XPNPEP3: variants seen among roughly 807,000 people sequenced by gnomAD.
XPNPEP3 encodes X-prolyl aminopeptidase 3.
In XPNPEP3, 41 loss-of-function variants were observed where a neutral mutation model predicts 60.0. That is an observed-to-expected ratio of 0.68 (90% CI 0.53 to 0.89). The LOEUF is 0.89. XPNPEP3 is among the 40% of genes least tolerant of loss of function. The pLI is 0.00. For synonymous variants in XPNPEP3, 212 were observed against 223.2 expected, an observed-to-expected ratio of 0.95 and a Z score of 0.45; for missense variants, 598 against 638.9, an observed-to-expected ratio of 0.94 and a Z score of 0.69.
chr22:40,886,066 G>A (rs780614014), intron 3 of XPNPEP3, among the ~76,000 whole-genome samples: 4 of 152,114 alleles, frequency 2.6e-5, no homozygotes, highest in Non-Finnish European at 4.4e-5. Flanking sequence ...GAACACTGAA[G>A]TTTAGGGGCA....
chr22:40,930,125 G>GTTTTTTTTTTTTTTTTTT lies in XPNPEP3; in HGVS notation c.*3697_*3698insTTTTTTTTTTTTTTTTTT, dbSNP rs200737218. 1 of 145,738 alleles carries GTTTTTTTTTTTTTTTTTT rather than the reference G, an allele frequency of 6.9e-6. No individual in the cohort carries two copies. 9.0% of individuals were successfully genotyped at this position (145,738 alleles called of 1,614,324 possible). Reference sequence around the variant, plus strand: ...TTTTTTTTTAAAGGTTTTTTGTGGGGTTTTTTTGTTTTTTTTTTTTTTGAG... The same window carrying GTTTTTTTTTTTTTTTTTT: ...TTTTTTTTTAAAGGTTTTTTGTGGGGTTTTTTTTTTTTTTTTTTTTTTTTTGTTTTTTTTTTTTTTGAG... On this transcript the variant is annotated 3_prime_UTR_variant, in exon 10 of 10. Coordinates refer to ENST00000357137, the MANE Select transcript of XPNPEP3 (RefSeq NM_022098.4).
In XPNPEP3 at chr22:40,931,398, T is replaced by A. The variant is rs1014028769; in HGVS notation, c.*4963T>A. On this transcript the variant is annotated 3_prime_UTR_variant, in exon 10 of 10. Coordinates refer to ENST00000357137, the MANE Select transcript of XPNPEP3 (RefSeq NM_022098.4). ...TAATTAGGAAACAGACTGTGTTCTTTATTTGAAACACAACAGTATAAATAC... is the reference window on the plus strand; with the variant it reads ...TAATTAGGAAACAGACTGTGTTCTTAATTTGAAACACAACAGTATAAATAC... 4.6e-5 allele frequency: 7 copies of A among 152,166 alleles called. No individual in the cohort carries two copies. The highest frequency in any genetic ancestry group is 1.7e-4 in the African/African-American group (7 of 41,442). The allele number at this position is 152,166 out of a possible 1,614,324, so 9.4% of individuals were successfully genotyped here.
At chr22:40,914,189 A>G (rs2058186878) in intron 6 of XPNPEP3, 50 bp from the exon 7 acceptor site, 1 of 1,511,610 alleles carries the variant, frequency 6.6e-7, no homozygotes, top group Non-Finnish European at 9.2e-7. Context: ...TACTAGAAAC[A>G]ACTTATAATC....
chr22:40,905,444 C>T (rs1433277038), intron 4 of XPNPEP3, among the ~76,000 whole-genome samples: 1 of 152,182 alleles, frequency 6.6e-6, no homozygotes, highest in Admixed American at 6.5e-5. Flanking sequence ...GTGTGCCAGG[C>T]ACTGCTCTGG....
chr22:40,926,183 A>G, intron 9 of XPNPEP3, 86 bp from the exon 10 acceptor site: 1 of 1,443,804 alleles, frequency 6.9e-7, no homozygotes, highest in Non-Finnish European at 9.7e-7. Flanking sequence ...AGAGGAAGGA[A>G]TTTTAACCCA....
chr22:40,907,930 G>A (rs1265983419), intron 5 of XPNPEP3, among the ~76,000 whole-genome samples: 4 of 152,108 alleles, frequency 2.6e-5, no homozygotes, highest in Non-Finnish European at 4.4e-5. Flanking sequence ...AGAAGAGGCT[G>A]AGGGCTGGGC....
chr22:40,867,605 T>TA (rs1362203769), intron 1 of XPNPEP3, among the ~76,000 whole-genome samples: 7 of 151,532 alleles, frequency 4.6e-5, no homozygotes, highest in East Asian at 1.9e-4. Context: ...CTACCAAAAA[T>TA]AAAAAAAATT....
At chr22:40,885,744 G>A (rs2058066008) in intron 3 of XPNPEP3, among the ~76,000 whole-genome samples, 1 of 152,122 alleles carries the variant, frequency 6.6e-6, no homozygotes, top group Admixed American at 6.5e-5. Flanking sequence ...CAGCACTTTG[G>A]GAGACTGAGG....
At chr22:40,858,640 T>C (rs2057920966) in intron 1 of XPNPEP3, among the ~76,000 whole-genome samples, 1 of 146,488 alleles carries the variant, frequency 6.8e-6, no homozygotes, top group Non-Finnish European at 1.5e-5. Flanking sequence ...CAAGCGATTC[T>C]CCTGTCTCAG....
chr22:40,890,656 C>T (rs2058085044), intron 4 of XPNPEP3, among the ~76,000 whole-genome samples: 1 of 151,702 alleles, frequency 6.6e-6, no homozygotes, highest in Non-Finnish European at 1.5e-5. Flanking sequence ...CACTTGAGCC[C>T]AGGAGTTCAA....
At chr22:40,880,827 C>T (rs1461437012) in intron 2 of XPNPEP3, among the ~76,000 whole-genome samples, 1 of 150,898 alleles carries the variant, frequency 6.6e-6, no homozygotes, top group African/African-American at 2.4e-5. Context: ...TCAGCAAAGG[C>T]CCTATATTGT....
At chr22:40,861,563 A>T in intron 1 of XPNPEP3, 1 of 1,613,460 alleles carries the variant, frequency 6.2e-7, no homozygotes, top group East Asian at 2.2e-5. Context: ...CAAAAATTGG[A>T]TATTCACTGG....
chr22:40,873,098 C>CTTTTTTTTTTTTTTTTTTTTTTTTTG (rs2058013530), intron 2 of XPNPEP3, among the ~76,000 whole-genome samples: 1 of 88,504 alleles, frequency 1.1e-5, no homozygotes, highest in African/African-American at 4.4e-5. Flanking sequence ...TTTTCTTTTT[C>CTTTTTTTTTTTTTTTTTTTTTTTTTG]TTTTTTTTTT....
intron 7 of XPNPEP3, among the ~76,000 whole-genome samples, chr22:40,914,580 C>G (rs1032425960): frequency 9.3e-6 from 1 of 107,104 alleles, no homozygotes; most frequent in Non-Finnish European, 1.7e-5. Context: ...GACGGGGTCT[C>G]GCTGTGTCAT....
intron 2 of XPNPEP3, among the ~76,000 whole-genome samples, chr22:40,869,588 G>A (rs1419902238): frequency 6.6e-6 from 1 of 152,108 alleles, no homozygotes. Context: ...TATAGATTAA[G>A]CAAGATTTCC....
At chr22:40,913,584 GT>G (rs941767455) in intron 6 of XPNPEP3, among the ~76,000 whole-genome samples, 6 of 150,684 alleles carry the variant, frequency 4.0e-5, no homozygotes, top group Admixed American at 1.3e-4. Flanking sequence ...AGGCATATGG[GT>G]TTTTTTTTCT....
At chr22:40,907,679 T>C (rs1255698887) in intron 5 of XPNPEP3, 30 bp downstream of exon 5, 7 of 1,596,512 alleles carry the variant, frequency 4.4e-6, no homozygotes, top group Non-Finnish European at 6.0e-6. Flanking sequence ...CTTCACCATC[T>C]TGTTGGAGGT....
At position 40,882,135 on chromosome 22, in the gene XPNPEP3, T is replaced by C; in HGVS notation, c.547T>C (p.Tyr183His). Residue 183 changes from tyrosine (Y) to histidine (H), a missense_variant, in exon 3 of 10, where the codon TAT becomes CAT. Coordinates refer to ENST00000357137, the MANE Select transcript of XPNPEP3 (RefSeq NM_022098.4). ...AGCTCTAACTGGAGTAGACGAAGCC[T>C]ATACGCTAGAAGAATTTCAACATCT... ...AIALTGVDEA[Y>H]TLEEFQHLLP... is the part of the protein sequence containing the mutation. 1 of 1,614,178 alleles carries C rather than the reference T, an allele frequency of 6.2e-7. No homozygotes were observed. Among genetic ancestry groups the C allele is most frequent in the Non-Finnish European group, 8.5e-7 (1 of 1,180,034 alleles).
intron 1 of XPNPEP3, chr22:40,862,842 GA>G: frequency 1.4e-6 from 1 of 720,082 alleles, no homozygotes; most frequent in South Asian, 6.3e-5. Flanking sequence ...TAGCAGTATT[GA>G]ACAAAAGACA....
Sources: allele counts gnomAD v4.1 joint callset (sites outside exome capture counted in the v4.1 genomes callset), GRCh38; gene constraint gnomAD v4.1.1; transcripts MANE v1.5; gene names NCBI Gene and HGNC (gene_info 2026-07-23, HGNC 2026-07-21).